ABCC2: variants seen among roughly 807,000 people sequenced by gnomAD.
ABCC2 encodes ATP binding cassette subfamily C member 2, also known as ATP-binding cassette sub-family C member 2.
ABCC2 carries 157 observed loss-of-function variants against 173.4 expected under a neutral mutation model. The observed-to-expected ratio is 0.91, with a 90% CI of 0.80 to 1.03. ABCC2 has a LOEUF of 1.03. Among genes scored for constraint, ABCC2 ranks in the 50% least tolerant of loss-of-function variants. ABCC2 has a pLI of 0.00. For missense variants in ABCC2, 1,822 were observed against 1,852.3 expected (o/e 0.98, Z 0.30); for synonymous variants, 657 against 693.5 (o/e 0.95, Z 0.83).
chr10:99,822,717 G>A (rs963917233), intron 19 of ABCC2, among the ~76,000 whole-genome samples: 1 of 152,072 alleles, frequency 6.6e-6, no homozygotes, highest in African/African-American at 2.4e-5. Context: ...AAAGTATAGA[G>A]TGCTAGATTA....
At chr10:99,834,746 C>G (rs1457035713) in intron 24 of ABCC2, among the ~76,000 whole-genome samples, 1 of 152,182 alleles carries the variant, frequency 6.6e-6, no homozygotes, top group African/African-American at 2.4e-5. Context: ...CCATTTATGG[C>G]AAATGTCACC....
chr10:99,786,632 C>T (rs766046346), intron 2 of ABCC2, among the ~76,000 whole-genome samples: 11 of 152,178 alleles, frequency 7.2e-5, no homozygotes, highest in Non-Finnish European at 1.0e-4. Flanking sequence ...TTTGGGAGGC[C>T]GAGGTGGGTG....
chr10:99,830,189 G>C, intron 19 of ABCC2, 118 bp from the exon 20 acceptor site: 1 of 1,172,258 alleles, frequency 8.5e-7, no homozygotes, highest in African/African-American at 1.5e-5. Flanking sequence ...CATGCTGTAT[G>C]TACATCTGGG....
chr10:99,851,406 C>G, intron 31 of ABCC2, 96 bp from the exon 32 acceptor site: 2 of 1,444,174 alleles, frequency 1.4e-6, no homozygotes, highest in Non-Finnish European at 1.9e-6. Flanking sequence ...GTAGCCTTGT[C>G]TGACTATACC....
chr10:99,833,147 A>G (rs76348333), intron 23 of ABCC2, among the ~76,000 whole-genome samples: 5,009 of 152,294 alleles, frequency 0.033, 274 homozygotes, highest in African/African-American at 0.11. Context: ...AAAGTGGGCC[A>G]TTAACTGGTC....
intron 8 of ABCC2, among the ~76,000 whole-genome samples, chr10:99,799,682 C>A (rs894975556): frequency 1.3e-5 from 2 of 152,156 alleles, no homozygotes; most frequent in Admixed American, 1.3e-4. Flanking sequence ...TAGCATACCC[C>A]TGGAGAGTAA....
At chr10:99,825,213 T>G (rs1400514383) in intron 19 of ABCC2, among the ~76,000 whole-genome samples, 1 of 151,890 alleles carries the variant, frequency 6.6e-6, no homozygotes, top group Non-Finnish European at 1.5e-5. Flanking sequence ...CCCCACAGAT[T>G]AAGAGGAATT....
rs759959471 is a variant in ABCC2 at position 99,818,929 on chromosome 10, TG to T, written c.2414del (p.Gly805AlafsTer6). 2 of 1,613,292 alleles carry T rather than the reference TG, an allele frequency of 1.2e-6. No individual in the cohort carries two copies. The highest frequency in any genetic ancestry group is 2.2e-5 in the South Asian group (2 of 91,034). ...GGAAAACATATTTTTAATAAGGTCTTGGGCCCCAATGGCCTGTTGAAAGGCA... is the reference window on the plus strand; with the variant it reads ...GGAAAACATATTTTTAATAAGGTCTTGGCCCCAATGGCCTGTTGAAAGGCA... ...HVGKHIFNKV[L>X]GPNGLLKGKT... On this transcript the variant is annotated frameshift_variant, in exon 18 of 32. Transcript: ENST00000647814. LOFTEE classifies it high-confidence loss of function.
intron 3 of ABCC2, among the ~76,000 whole-genome samples, chr10:99,793,302 A>T (rs962089500): frequency 3.3e-5 from 5 of 152,144 alleles, no homozygotes; most frequent in African/African-American, 1.2e-4. Context: ...GCAGATAGTG[A>T]CCTTCTACAT....
At chr10:99,810,653 A>G (rs2038194446) in intron 14 of ABCC2, among the ~76,000 whole-genome samples, 1 of 152,228 alleles carries the variant, frequency 6.6e-6, no homozygotes, top group Non-Finnish European at 1.5e-5. Flanking sequence ...GGACTGGGCA[A>G]CAGAGGGCCT....
In ABCC2 at chr10:99,804,071, T is replaced by C. The variant is rs1244971882; in HGVS notation, c.1262T>C (p.Val421Ala). 3 of 1,614,050 alleles carry C rather than the reference T, an allele frequency of 1.9e-6. No individual in the cohort carries two copies. The highest frequency in any genetic ancestry group is 2.5e-6 in the Non-Finnish European group (3 of 1,180,028). The change falls in exon 10 of 32, where the codon GTG becomes GCG. Residue 421 changes from valine (V) to alanine (A), a missense_variant. Coordinates refer to ENST00000647814, the MANE Select transcript of ABCC2 (RefSeq NM_000392.5). ...ARKEYTVGETVNLMSVDAQKL... is the reference protein window; with the variant it reads ...ARKEYTVGETANLMSVDAQKL... ...AAGGAGTACACCGTTGGAGAAACAG[T>C]GAACCTGATGTCTGTGGATGCCCAG... is the stretch of plus-strand genomic sequence containing the variant.
chr10:99,808,336 AAG>A (rs778049719), intron 13 of ABCC2, 107 bp downstream of exon 13: 1 of 1,449,412 alleles, frequency 6.9e-7, no homozygotes, highest in South Asian at 1.1e-5. Flanking sequence ...GTAAACTTTC[AAG>A]AGAGAGATCT....
chr10:99,794,581 G>A lies in ABCC2; in HGVS notation c.632+113G>A. On this transcript the variant is annotated intron_variant, in intron 6 of 31. Transcript: ENST00000647814. ...TTTTTTGAGATGGAGTTTTGCTCTT[G>A]TTGCCCAGGCTGGAGTGCAATGGTG... is the stretch of plus-strand genomic sequence containing the variant. The A allele has an allele frequency of 4.6e-6, 5 of 1,076,440 alleles. No individual in the cohort carries two copies. The South Asian group carries it at 7.0e-5, about 15-fold the overall frequency. 66.7% of individuals were successfully genotyped at this position (1,076,440 alleles called of 1,614,324 possible).
In ABCC2 at chr10:99,795,704, A is replaced by AAGAG. The variant is rs367702762; in HGVS notation, c.632+1250_632+1253dup. ...ACAAGAGCAAAATTCCATCAAAAGAAAGAGAGAGAGAGAGAGAAGAAAGAA... is the reference window on the plus strand; with the variant it reads ...ACAAGAGCAAAATTCCATCAAAAGAAAGAGAGAGAGAGAGAGAGAGAAGAAAGAA... On this transcript the variant is annotated intron_variant, in intron 6 of 31. Transcript: ENST00000647814. Among the ~76,000 whole-genome samples, 6 of 149,340 alleles carry AAGAG rather than the reference A, an allele frequency of 4.0e-5. No individual in the cohort carries two copies. In the South Asian group the frequency reaches 8.5e-4, roughly 21 times the overall value.
rs754542501 is a variant in ABCC2 at position 99,817,336 on chromosome 10, C to T, written c.2123C>T (p.Ser708Phe). 6.2e-7 allele frequency: 1 copy of T among 1,614,180 alleles called. No homozygotes were observed. Among genetic ancestry groups the T allele is most frequent in the Non-Finnish European group, 8.5e-7 (1 of 1,180,036 alleles). ...ACCACTGCCTATGTCCCACAGCAGT[C>T]CTGGATTCAGAATGGCACCATAAAG... Reference protein sequence around the residue: ...KGTTAYVPQQSWIQNGTIKDN... With the variant: ...KGTTAYVPQQFWIQNGTIKDN... Residue 708 changes from serine to phenylalanine, a missense_variant, in exon 17 of 32, where the codon TCC becomes TTC. Coordinates refer to ENST00000647814, the MANE Select transcript of ABCC2 (RefSeq NM_000392.5).
intron 17 of ABCC2, among the ~76,000 whole-genome samples, chr10:99,817,725 G>A (rs2038448000): frequency 6.6e-6 from 1 of 152,200 alleles, no homozygotes; most frequent in Non-Finnish European, 1.5e-5. Flanking sequence ...AATCAAAGAT[G>A]ATGAGGCAAA....
Position 99,830,345 on chromosome 10 carries a change from C to CAA in ABCC2, c.2659_2660insAA (p.Leu887GlnfsTer2). ...TGAAGAAGAAGACGATGACTATGGG[C>CAA]TGATATCCAGTGTGGAAGAGATCCC... On this transcript the variant is annotated frameshift_variant, in exon 20 of 32. Coordinates refer to ENST00000647814, the MANE Select transcript of ABCC2 (RefSeq NM_000392.5). LOFTEE classifies it high-confidence loss of function. The CAA allele has an allele frequency of 6.2e-7, 1 of 1,614,164 alleles. No homozygotes were observed. The highest frequency in any genetic ancestry group is 8.5e-7 in the Non-Finnish European group (1 of 1,180,012).
At chr10:99,797,012 C>A in intron 6 of ABCC2, 85 bp from the exon 7 acceptor site, 1 of 1,196,242 alleles carries the variant, frequency 8.4e-7, no homozygotes, top group Non-Finnish European at 1.2e-6. Flanking sequence ...TATCCCAGAA[C>A]CTGGAGGTAG....
intron 2 of ABCC2, among the ~76,000 whole-genome samples, 174 bp from the exon 3 acceptor site, chr10:99,792,060 C>T (rs553921126): frequency 6.6e-6 from 1 of 152,340 alleles, no homozygotes. Flanking sequence ...TCATGGCATA[C>T]TTTGAACATT....
Sources: gnomAD v4.1 joint callset for allele counts (sites outside exome capture counted in the v4.1 genomes callset) on GRCh38, gnomAD v4.1.1 for gene constraint, MANE v1.5 for transcripts, NCBI Gene and HGNC (gene_info 2026-07-23, HGNC 2026-07-21) for gene names.